Variants in KLHL18 observed in about 807,000 individuals in gnomAD.
The protein encoded by KLHL18 is kelch like family member 18, also known as kelch-like protein 18.
In KLHL18, 38 loss-of-function variants were observed where a neutral mutation model predicts 58.5. That is an observed-to-expected ratio of 0.65 (90% CI 0.50 to 0.85). The LOEUF is 0.85. Ranked by LOEUF, KLHL18 falls within the 40% of genes least tolerant of loss-of-function variation. The pLI is 0.00. For synonymous variants in KLHL18, 303 were observed against 301.9 expected (o/e 1.00, Z -0.04); for missense variants, 624 against 778.4 (o/e 0.80, Z 2.36).
chr3:47,320,721 C>T (rs73075398), intron 2 of KLHL18, among the ~76,000 whole-genome samples: 2,075 of 152,188 alleles, frequency 0.014, 30 homozygotes, highest in Middle Eastern at 0.031. Flanking sequence ...AGTTCAAGAC[C>T]AGCCTGGACA....
chr3:47,336,841 G>A, intron 7 of KLHL18, 84 bp downstream of exon 7: 2 of 1,087,768 alleles, frequency 1.8e-6, no homozygotes, highest in Non-Finnish European at 2.8e-6. Context: ...GCACACAGTA[G>A]AGTAAAATAC....
rs1703940860 is a variant in KLHL18 at position 47,334,569 on chromosome 3, C to T, written c.762-114C>T. On this transcript the variant is annotated intron_variant, in intron 5 of 9. Coordinates refer to ENST00000232766, the MANE Select transcript of KLHL18 (RefSeq NM_025010.5). This position sits in a 1 kb window ranked among gnomAD's most constrained non-coding sequence, Gnocchi z 4.7. ...CTTTGAGACCAGACCTTCCAGAAGG[C>T]TTCTCCTCCCAGGTTTCCCCTGCAG... 21 of 1,234,668 alleles carry T rather than the reference C, an allele frequency of 1.7e-5. No individual in the cohort carries two copies. Among genetic ancestry groups the T allele is most frequent in the Non-Finnish European group, 2.4e-5 (21 of 864,930 alleles). 76.5% of individuals were successfully genotyped at this position (1,234,668 alleles called of 1,614,324 possible).
intron 2 of KLHL18, among the ~76,000 whole-genome samples, chr3:47,321,183 G>C (rs185467563): frequency 8.5e-4 from 129 of 152,028 alleles, no homozygotes; most frequent in African/African-American, 3.0e-3. Flanking sequence ...AGTGGAGGGG[G>C]AGGCAATGGA....
At chr3:47,283,691 C>A (rs572227555) in intron 1 of KLHL18, among the ~76,000 whole-genome samples, 1 of 152,276 alleles carries the variant, frequency 6.6e-6, no homozygotes, top group Non-Finnish European at 1.5e-5. Flanking sequence ...GCCTGCTGGC[C>A]GCGTGGGGAG....
chr3:47,305,039 AAAG>A (rs985277982), intron 1 of KLHL18, among the ~76,000 whole-genome samples: 130 of 151,778 alleles, frequency 8.6e-4, no homozygotes, highest in African/African-American at 3.1e-3. Flanking sequence ...AAAAAAAAAG[AAAG>A]AAAAAAACCC....
intron 5 of KLHL18, 137 bp downstream of exon 5, chr3:47,333,454 C>T (rs1703914837): frequency 2.4e-6 from 2 of 836,000 alleles, no homozygotes; most frequent in African/African-American, 3.4e-5. Flanking sequence ...GGTCTGCCCT[C>T]TGTCTAGAAG....
rs1217581739 is a variant in KLHL18, at chr3:47,319,905, A to G, written c.260+122A>G. ...CTAATAGCCTAGCTCTACACAAATA[A>G]TAAGTGATTAATAAGCAGATTAGAA... On this transcript the variant is annotated intron_variant, in intron 2 of 9. Transcript: ENST00000232766. 9.6e-7 allele frequency: 1 copy of G among 1,046,238 alleles called. No homozygotes were observed. Among genetic ancestry groups the G allele is most frequent in the Admixed American group, 2.1e-5 (1 of 46,542 alleles). 64.8% of individuals were successfully genotyped at this position (1,046,238 alleles called of 1,614,324 possible). A position where few individuals can be genotyped will look rare whatever the true frequency, so the allele number is the denominator to read the frequency against.
chr3:47,300,931 C>T (rs993966022), intron 1 of KLHL18, among the ~76,000 whole-genome samples: 26 of 152,096 alleles, frequency 1.7e-4, no homozygotes, highest in Admixed American at 1.7e-3. Context: ...TGAGTCACCA[C>T]GCCCGGCCTC....
At chr3:47,288,958 A>G (rs1400251028) in intron 1 of KLHL18, among the ~76,000 whole-genome samples, 1 of 152,220 alleles carries the variant, frequency 6.6e-6, no homozygotes, top group African/African-American at 2.4e-5. Context: ...TGTCTGATTC[A>G]TCTGGGTCTA....
At chr3:47,299,826 CAAAAAAAA>C (rs55695849) in intron 1 of KLHL18, among the ~76,000 whole-genome samples, 26 of 43,820 alleles carry the variant, frequency 5.9e-4, no homozygotes, top group Admixed American at 1.6e-3. Flanking sequence ...TACTGTGTCT[CAAAAAAAA>C]AAAAAAAAAA....
chr3:47,342,182 G>A (rs762526574), intron 8 of KLHL18, among the ~76,000 whole-genome samples: 2 of 152,224 alleles, frequency 1.3e-5, no homozygotes, highest in Admixed American at 6.5e-5. Flanking sequence ...AGGTACAGGA[G>A]GAGCAATCCC....
Position 47,319,705 on chromosome 3 carries a change from C to T in KLHL18, c.182C>T (p.Pro61Leu), listed in dbSNP as rs1703539985. The T allele has an allele frequency of 2.5e-6, 4 of 1,613,956 alleles. No individual in the cohort carries two copies. The highest frequency in any genetic ancestry group is 1.3e-5 in the African/African-American group (1 of 75,008). The change falls in exon 2 of 10, where the codon CCG (proline) becomes CTG (leucine). Residue 61 changes from proline (P) to leucine (L), a missense_variant. Transcript: ENST00000232766. Reference sequence around the variant, plus strand: ...CGGATTGTCTTAGCAGCCTCGATCCCGTATTTCCATGCTATGTTTACAAAT... The same window carrying T: ...CGGATTGTCTTAGCAGCCTCGATCCTGTATTTCCATGCTATGTTTACAAAT... ...AHRIVLAASIPYFHAMFTNDM... is the reference protein window; with the variant it reads ...AHRIVLAASILYFHAMFTNDM...
chr3:47,322,845 A>G, intron 3 of KLHL18, 137 bp downstream of exon 3: 1 of 779,594 alleles, frequency 1.3e-6, no homozygotes, highest in Non-Finnish European at 1.8e-6. Flanking sequence ...CAGCACTTAC[A>G]TTTCTTGAAA....
At chr3:47,330,985 G>A (rs866858193) in intron 4 of KLHL18, among the ~76,000 whole-genome samples, 2 of 152,054 alleles carry the variant, frequency 1.3e-5, no homozygotes, top group African/African-American at 4.8e-5. Flanking sequence ...GCCCATCTTG[G>A]CCTCCCAAAG....
chr3:47,330,880 C>T (rs755924838), intron 4 of KLHL18, among the ~76,000 whole-genome samples: 1 of 152,002 alleles, frequency 6.6e-6, no homozygotes, highest in African/African-American at 2.4e-5. Context: ...TACAGGCATG[C>T]ACCACCATGC....
chr3:47,313,805 C>A (rs1310243338), intron 1 of KLHL18, among the ~76,000 whole-genome samples: 1 of 152,136 alleles, frequency 6.6e-6, no homozygotes, highest in African/African-American at 2.4e-5. Flanking sequence ...CCAGTAACAA[C>A]CTAAGCATAA....
At chr3:47,314,929 G>GT (rs538580648) in intron 1 of KLHL18, among the ~76,000 whole-genome samples, 42 of 151,174 alleles carry the variant, frequency 2.8e-4, no homozygotes, top group Non-Finnish European at 5.5e-4. Context: ...TCTGTAGCTG[G>GT]TTTTTTTTTG....
intron 1 of KLHL18, among the ~76,000 whole-genome samples, chr3:47,283,926 C>A (rs1289495038): frequency 6.6e-6 from 1 of 152,206 alleles, no homozygotes; most frequent in Non-Finnish European, 1.5e-5. Flanking sequence ...CTCTCAGCAT[C>A]TGTGCGTGAT....
At chr3:47,324,294 C>CTTTTTTTTTTT (rs1559498832) in intron 3 of KLHL18, among the ~76,000 whole-genome samples, 8 of 10,586 alleles carry the variant, frequency 7.6e-4, no homozygotes, top group Admixed American at 3.2e-3. Flanking sequence ...CTTTTTCTTT[C>CTTTTTTTTTTT]TTTCTTTTTT....
Sources: gnomAD v4.1 joint callset for allele counts (sites outside exome capture counted in the v4.1 genomes callset) on GRCh38, gnomAD v4.1.1 for gene constraint, Gnocchi (gnomAD v3.1) non-coding constraint, MANE v1.5 for transcripts, NCBI Gene and HGNC (gene_info 2026-07-23, HGNC 2026-07-21) for gene names.